Variants in GRAP2 observed in about 807,000 individuals in gnomAD.
GRAP2 encodes GRB2-related adapter protein 2.
GRAP2 carries 31 observed loss-of-function variants against 43.5 expected under a neutral mutation model. The observed-to-expected ratio is 0.71, with a 90% confidence interval of 0.54 to 0.96. The LOEUF (loss-of-function observed/expected upper bound fraction) is 0.96, where lower values mean the gene tolerates loss of function less well. Ranked by LOEUF, GRAP2 falls within the 40% of genes least tolerant of loss-of-function variation. The pLI, the probability that GRAP2 is intolerant of heterozygous loss-of-function variation, is 0.00. For missense variants in GRAP2, 371 were observed against 424.4 expected (o/e 0.87, Z 1.11); for synonymous variants, 156 against 164.8 (o/e 0.95, Z 0.41).
chr22:39,916,392 C>T (rs1457962685), intron 1 of GRAP2, among the ~76,000 whole-genome samples: 1 of 152,222 alleles, frequency 6.6e-6, no homozygotes, highest in East Asian at 1.9e-4. Flanking sequence ...AAATTCCTAC[C>T]TGAGCAACTG....
At chr22:39,939,779 T>C (rs934617044) in intron 1 of GRAP2, among the ~76,000 whole-genome samples, 1 of 151,886 alleles carries the variant, frequency 6.6e-6, no homozygotes, top group Non-Finnish European at 1.5e-5. Context: ...CGTGGTGGGC[T>C]GTACCTGTAA....
chr22:39,929,403 C>A (rs1455155223), intron 1 of GRAP2, among the ~76,000 whole-genome samples: 1 of 152,156 alleles, frequency 6.6e-6, no homozygotes, highest in African/African-American at 2.4e-5. Flanking sequence ...TGTGAATAGT[C>A]ATGGTTAAAA....
intron 1 of GRAP2, among the ~76,000 whole-genome samples, chr22:39,915,949 T>C (rs2066599320): frequency 6.6e-6 from 1 of 152,298 alleles, no homozygotes; most frequent in East Asian, 1.9e-4. Flanking sequence ...GCTGAGAGCA[T>C]ACACTCTCTT....
intron 3 of GRAP2, among the ~76,000 whole-genome samples, chr22:39,956,316 C>T (rs955398855): frequency 1.3e-5 from 2 of 151,924 alleles, no homozygotes; most frequent in African/African-American, 4.8e-5. Flanking sequence ...TGCCACCACG[C>T]CAGGCTAGTT....
intron 1 of GRAP2, among the ~76,000 whole-genome samples, chr22:39,944,286 G>T (rs1230001374): frequency 1.3e-5 from 2 of 152,124 alleles, no homozygotes; most frequent in African/African-American, 4.8e-5. Context: ...GGATATAGAG[G>T]AATGGGATAT....
chr22:39,897,297 T>G (rs1193614675), upstream of GRAP2, among the ~76,000 whole-genome samples: 2 of 152,192 alleles, frequency 1.3e-5, no homozygotes, highest in African/African-American at 4.8e-5. Context: ...ATAGCTCTCA[T>G]GATATCCATG....
intron 1 of GRAP2, among the ~76,000 whole-genome samples, chr22:39,932,843 G>A (rs1273081795): frequency 1.3e-5 from 2 of 152,148 alleles, no homozygotes; most frequent in Non-Finnish European, 2.9e-5. Flanking sequence ...ACATTATGAG[G>A]CAGGCACTAT....
At chr22:39,899,557 T>C (rs1178891308), upstream of GRAP2, among the ~76,000 whole-genome samples, 4 of 142,028 alleles carry the variant, frequency 2.8e-5, no homozygotes, top group African/African-American at 1.2e-4. Flanking sequence ...GTTATTATTT[T>C]TAAAGTAGCA....
chr22:39,933,702 G>A (rs189373350), intron 1 of GRAP2, among the ~76,000 whole-genome samples: 47 of 152,086 alleles, frequency 3.1e-4, no homozygotes, highest in African/African-American at 1.0e-3. Flanking sequence ...TTAGCCAGGC[G>A]TGGTGGCGGG....
At chr22:39,911,935 A>T (rs1378087445) in intron 1 of GRAP2, among the ~76,000 whole-genome samples, 1 of 152,240 alleles carries the variant, frequency 6.6e-6, no homozygotes, top group Non-Finnish European at 1.5e-5. Flanking sequence ...GTAAAATCTG[A>T]GAAGAACAGA....
the GRAP2 span, among the ~76,000 whole-genome samples, chr22:39,895,694 GCAC>G: frequency 6.6e-6 from 1 of 152,182 alleles, no homozygotes; most frequent in Non-Finnish European, 1.5e-5. Flanking sequence ...ACATTATTGA[GCAC>G]CTGCTATTTG....
intron 1 of GRAP2, among the ~76,000 whole-genome samples, chr22:39,905,261 T>C (rs1056415383): frequency 1.3e-5 from 2 of 152,192 alleles, no homozygotes; most frequent in South Asian, 2.1e-4. Flanking sequence ...GATTATTTCA[T>C]TGGAGTTCAT....
At chr22:39,954,322 C>T (rs2067021773) in intron 2 of GRAP2, among the ~76,000 whole-genome samples, 1 of 152,186 alleles carries the variant, frequency 6.6e-6, no homozygotes, top group African/African-American at 2.4e-5. Context: ...GGTTCAGTGA[C>T]ATTATCAGAG....
At chr22:39,967,607 A>G (rs1398108193) in intron 5 of GRAP2, among the ~76,000 whole-genome samples, 1 of 152,210 alleles carries the variant, frequency 6.6e-6, no homozygotes, top group Non-Finnish European at 1.5e-5. Flanking sequence ...TTGGGTCTCT[A>G]TCACCAGGCT....
chr22:39,959,152 A>G (rs1226201990), intron 3 of GRAP2, among the ~76,000 whole-genome samples: 1 of 151,954 alleles, frequency 6.6e-6, no homozygotes, highest in African/African-American at 2.4e-5. Flanking sequence ...GATTGCAGAC[A>G]CTCATTTTGC....
intron 1 of GRAP2, among the ~76,000 whole-genome samples, chr22:39,944,063 C>T (rs1012950421): frequency 3.3e-5 from 5 of 152,110 alleles, no homozygotes; most frequent in Non-Finnish European, 5.9e-5. Context: ...AGCAAGAAGG[C>T]TTCATTGCAT....
chr22:39,950,852 C>G (rs2066974885), intron 2 of GRAP2, among the ~76,000 whole-genome samples: 1 of 152,226 alleles, frequency 6.6e-6, no homozygotes, highest in African/African-American at 2.4e-5. Context: ...CAATGTCTGC[C>G]CCCCACCTTC....
At chr22:39,936,594 G>T (rs541621402) in intron 1 of GRAP2, among the ~76,000 whole-genome samples, 2 of 152,154 alleles carry the variant, frequency 1.3e-5, no homozygotes, top group South Asian at 2.1e-4. Context: ...AGAAAGAAAA[G>T]AACTTGGAAA....
chr22:39,953,598 C>A (rs181209257), intron 2 of GRAP2, among the ~76,000 whole-genome samples: 1 of 152,158 alleles, frequency 6.6e-6, no homozygotes, highest in African/African-American at 2.4e-5. Context: ...TGATACAGAG[C>A]TCTGTCGCTC....
Sources: allele counts gnomAD v4.1 joint callset (sites outside exome capture counted in the v4.1 genomes callset), GRCh38; gene constraint gnomAD v4.1.1; transcripts MANE v1.5; gene names NCBI Gene and HGNC (gene_info 2026-07-23, HGNC 2026-07-21).